The following DAAM2 variants were observed in gnomAD, a reference collection of about 807,000 sequenced individuals.
DAAM2 encodes the protein disheveled-associated activator of morphogenesis 2.
A neutral mutation model predicts 120.7 loss-of-function variants in DAAM2; 39 were observed. The observed-to-expected ratio is 0.32, with a 90% CI of 0.25 to 0.42. The LOEUF is 0.42. Among genes scored for constraint, DAAM2 ranks in the 10% least tolerant of loss-of-function variants. The pLI is 1.00. For missense variants in DAAM2, 1,283 were observed against 1,401.7 expected (o/e 0.92, Z 1.35); for synonymous variants, 488 against 524.9 (o/e 0.93, Z 0.96).
rs897073104 is a variant in DAAM2 at position 39,902,131 on chromosome 6, T to A, written c.*94T>A. The stretch of plus-strand genomic sequence containing the variant: ...TGGTGATATTTAAACCATTTGGTGC[T>A]TGGTTTAGAGCCTTGGGCTGGGTCC... On this transcript the variant is annotated 3_prime_UTR_variant, in exon 25 of 25. Coordinates refer to ENST00000274867, the MANE Select transcript of DAAM2 (RefSeq NM_001201427.2). 1.9e-5 allele frequency: 22 copies of A among 1,156,870 alleles called. No individual in the cohort carries two copies. In the East Asian group the frequency reaches 5.2e-4, roughly 27 times the overall value. The allele number at this position is 1,156,870 out of a possible 1,614,324, so 71.7% of individuals were successfully genotyped here.
intron 1 of DAAM2, among the ~76,000 whole-genome samples, chr6:39,805,162 G>A (rs1761973193): frequency 6.6e-6 from 1 of 152,162 alleles, no homozygotes; most frequent in Non-Finnish European, 1.5e-5. Flanking sequence ...AAGCATCTAA[G>A]GGCTTGTGTG....
At chr6:39,871,463 C>T in intron 8 of DAAM2, 43 bp from the exon 9 acceptor site, 3 of 1,526,900 alleles carry the variant, frequency 2.0e-6, no homozygotes, top group Non-Finnish European at 1.8e-6. Context: ...AGGGTGTGTC[C>T]TGGCTGTAAT....
chr6:39,833,732 G>A (rs1211156846), intron 1 of DAAM2, among the ~76,000 whole-genome samples: 1 of 152,074 alleles, frequency 6.6e-6, no homozygotes, highest in Non-Finnish European at 1.5e-5. Context: ...GGGAAAACAA[G>A]GTCCTGGCTT....
chr6:39,898,844 T>C, intron 21 of DAAM2, 33 bp from the exon 22 acceptor site: 1 of 1,586,152 alleles, frequency 6.3e-7, no homozygotes, highest in Non-Finnish European at 8.6e-7. Flanking sequence ...GAGTTGATGG[T>C]CCTCATTCCC....
At chr6:39,853,252 T>G (rs991570200) in intron 1 of DAAM2, among the ~76,000 whole-genome samples, 1 of 152,190 alleles carries the variant, frequency 6.6e-6, no homozygotes, top group Non-Finnish European at 1.5e-5. Flanking sequence ...GTGATTTTAG[T>G]CTTGGATGTT....
At chr6:39,863,631 G>A (rs1269594552) in intron 3 of DAAM2, among the ~76,000 whole-genome samples, 2 of 152,156 alleles carry the variant, frequency 1.3e-5, no homozygotes, top group Non-Finnish European at 2.9e-5. Flanking sequence ...AGCAGGATGG[G>A]TGTGAGGCCC....
intron 1 of DAAM2, among the ~76,000 whole-genome samples, chr6:39,847,666 G>A (rs375077536): frequency 2.4e-4 from 36 of 152,016 alleles, no homozygotes; most frequent in East Asian, 1.7e-3. Context: ...GCACCCCTCC[G>A]TGGCACCACC....
rs1020530659 is a variant in DAAM2 at position 39,864,610 on chromosome 6, G to A, written c.333+103G>A. 7 of 853,130 alleles carry A rather than the reference G, an allele frequency of 8.2e-6. No homozygotes were observed. The African/African-American group carries it at 1.2e-4, about 15-fold the overall frequency. 52.8% of individuals were successfully genotyped at this position (853,130 alleles called of 1,614,324 possible). A position where few individuals can be genotyped will look rare whatever the true frequency, so the allele number is the denominator to read the frequency against. ...CCCACACACCAAACTGCCTTTTACTGCTCCTCAGCGCCCCACTGCCCACTC... is the reference window on the plus strand; with the variant it reads ...CCCACACACCAAACTGCCTTTTACTACTCCTCAGCGCCCCACTGCCCACTC... On this transcript the variant is annotated intron_variant, in intron 4 of 24. Transcript: ENST00000274867.
intron 1 of DAAM2, among the ~76,000 whole-genome samples, chr6:39,843,649 A>T (rs1562020438): frequency 6.6e-6 from 1 of 152,250 alleles, no homozygotes; most frequent in African/African-American, 2.4e-5. Flanking sequence ...GCTTTAAACC[A>T]AGCGCAGGGC....
intron 10 of DAAM2, among the ~76,000 whole-genome samples, 170 bp downstream of exon 10, chr6:39,873,525 TC>T (rs1161725559): frequency 6.6e-6 from 1 of 152,160 alleles, no homozygotes; most frequent in Non-Finnish European, 1.5e-5. Flanking sequence ...TTTCCTTCCC[TC>T]CTTGGGGTCA....
At chr6:39,867,075 C>G (rs895730382) in intron 5 of DAAM2, among the ~76,000 whole-genome samples, 1 of 152,140 alleles carries the variant, frequency 6.6e-6, no homozygotes, top group Non-Finnish European at 1.5e-5. Flanking sequence ...CTGCTATTTT[C>G]TTTAGGATCC....
rs940184928 is a variant in DAAM2 at position 39,897,169 on chromosome 6, C to T, written c.2511-6C>T. ...CACTTACCACTGACCTGACTTTCAT[C>T]CACAGAAACATCTCTCTGCTCCATT... On this transcript the variant is annotated splice_polypyrimidine_tract_variant and splice_region_variant and intron_variant, in intron 20 of 24. Transcript: ENST00000274867. 2.5e-6 allele frequency: 4 copies of T among 1,607,938 alleles called. No homozygotes were observed. Among genetic ancestry groups the T allele is most frequent in the African/African-American group, 2.7e-5 (2 of 74,776 alleles).
chr6:39,825,434 G>A (rs1170643541), intron 1 of DAAM2, among the ~76,000 whole-genome samples: 1 of 120,168 alleles, frequency 8.3e-6, no homozygotes, highest in Admixed American at 9.0e-5. Context: ...CAAAACACAA[G>A]GTCGGGGGGT....
chr6:39,894,308 T>C (rs1344558010), intron 19 of DAAM2, among the ~76,000 whole-genome samples: 1 of 152,222 alleles, frequency 6.6e-6, no homozygotes, highest in African/African-American at 2.4e-5. Flanking sequence ...AAATAGCATA[T>C]AAACCTTAGA....
chr6:39,827,564 G>T (rs4132531), intron 1 of DAAM2, among the ~76,000 whole-genome samples: 7,201 of 152,198 alleles, frequency 0.047, 240 homozygotes, highest in Non-Finnish European at 0.074. Context: ...GTGTGTGTGG[G>T]CTCATGGAGG....
rs1766497751 is a variant in DAAM2, at chr6:39,901,743, G to A, written c.2983-70G>A. ...GACCATGGCCTAGGAGTTAGCCCAG[G>A]GTTGGGGGGCTGCCCTGGCCTCAGC... On this transcript the variant is annotated intron_variant, in intron 24 of 24. Transcript: ENST00000274867. The surrounding 1 kb of genome is among the most constrained non-coding windows in gnomAD (Gnocchi z 4.5). 1.4e-6 allele frequency: 2 copies of A among 1,388,830 alleles called. No individual in the cohort carries two copies. Among genetic ancestry groups the A allele is most frequent in the South Asian group, 1.5e-5 (1 of 68,276 alleles). 86.0% of individuals were successfully genotyped at this position (1,388,830 alleles called of 1,614,324 possible). A position where few individuals can be genotyped will look rare whatever the true frequency, so the allele number is the denominator to read the frequency against.
In DAAM2 at chr6:39,891,476, AGCAGGTGGGGTTCTGGCAGGTGGG is replaced by A. The variant is rs567383300; in HGVS notation, c.2252+40_2252+63del. 3.3e-3 allele frequency: 5,257 copies of A among 1,579,734 alleles called. 81 individuals are homozygous for A. The highest frequency in any genetic ancestry group is 0.028 in the South Asian group (2,486 of 87,374). On this transcript the variant is annotated intron_variant, in intron 18 of 24. Coordinates refer to ENST00000274867, the MANE Select transcript of DAAM2 (RefSeq NM_001201427.2). ...GGGCCATGGGCATGGTGGGGATTCA[AGCAGGTGGGGTTCTGGCAGGTGGG>A]GCAGGTGGGGCTCTGCCAAGAGGAA... is the stretch of plus-strand genomic sequence containing the variant.
At position 39,879,334 on chromosome 6, in the gene DAAM2, C is replaced by T. The variant is rs1765016325; in HGVS notation, c.1702C>T (p.Pro568Ser). Residue 568 changes from proline (P) to serine (S), a missense_variant, in exon 14 of 25, where the codon CCC becomes TCC. By Grantham distance (74) the Pro-to-Ser change is moderately conservative. Around this residue, in one of 3 missense-constraint regions of DAAM2, gnomAD observed 748 missense variants for 768.6 expected, o/e 0.97. Coordinates refer to ENST00000274867, the MANE Select transcript of DAAM2 (RefSeq NM_001201427.2). ...PPLPPGGPPT[P>S]PGAPPCLGMG... ...CCTTCCTCCCGGGGGACCCCCGACT[C>T]CCCCAGGTGCCCCACCTTGCCTCGG... 6.3e-7 allele frequency: 1 copy of T among 1,590,736 alleles called. No individual in the cohort carries two copies. The highest frequency in any genetic ancestry group is 1.1e-5 in the South Asian group (1 of 89,928).
At chr6:39,816,499 A>G (rs1762313806) in intron 1 of DAAM2, among the ~76,000 whole-genome samples, 1 of 152,184 alleles carries the variant, frequency 6.6e-6, no homozygotes, top group Non-Finnish European at 1.5e-5. Flanking sequence ...TAGTTACGAG[A>G]ACCACAAAAC....
Sources: allele counts gnomAD v4.1 joint callset (sites outside exome capture counted in the v4.1 genomes callset), GRCh38; gene constraint gnomAD v4.1.1; regional missense constraint gnomAD v4.1.1; non-coding constraint Gnocchi (gnomAD v3.1); transcripts MANE v1.5; gene names NCBI Gene and HGNC (gene_info 2026-07-23, HGNC 2026-07-21).